Variants in NECTIN2 observed in about 807,000 individuals in gnomAD.
NECTIN2 encodes the protein nectin-2.
NECTIN2 carries 23 observed loss-of-function variants against 56.9 expected under a neutral mutation model. The ratio of observed to expected loss-of-function variants is 0.40; its 90% CI spans 0.29 to 0.57. The LOEUF (loss-of-function observed/expected upper bound fraction) is 0.57. Ranked by LOEUF, NECTIN2 falls within the 20% of genes least tolerant of loss-of-function variation. The pLI is 0.38. For synonymous variants in NECTIN2, 302 were observed against 313.8 expected, an observed-to-expected ratio of 0.96 and a Z score of 0.40; for missense variants, 587 against 718.3, an observed-to-expected ratio of 0.82 and a Z score of 2.09.
At chr19:44,869,226 A>C (rs1969141592) in intron 2 of NECTIN2, among the ~76,000 whole-genome samples, 1 of 152,044 alleles carries the variant, frequency 6.6e-6, no homozygotes, top group Admixed American at 6.6e-5. Context: ...TAATCCCAGC[A>C]CTTTGGGAGG....
chr19:44,854,812 C>A (rs1242849735), intron 1 of NECTIN2, among the ~76,000 whole-genome samples: 1 of 150,992 alleles, frequency 6.6e-6, no homozygotes, highest in Non-Finnish European at 1.5e-5. Flanking sequence ...GACTCCACCT[C>A]AAAAAAAATT....
intron 6 of NECTIN2, among the ~76,000 whole-genome samples, chr19:44,883,539 T>C (rs562390642): frequency 2.0e-4 from 31 of 152,112 alleles, no homozygotes; most frequent in Non-Finnish European, 4.4e-4. Context: ...CCTCCCAAAG[T>C]GCTAAGATCA....
Position 44,865,432 on chromosome 19 carries a change from G to A in NECTIN2, c.250G>A (p.Ala84Thr), listed in dbSNP as rs765976897. ...ACCTGCGAACCACCAGAATGTGGCC[G>A]CCTTCCACCCTAAGATGGGTCCCAG... The part of the protein sequence containing the change: ...DAPANHQNVA[A>T]FHPKMGPSFP... The change falls in exon 2 of 9, where the codon GCC becomes ACC. Residue 84 changes from alanine to threonine, a missense_variant. Ala to Thr is a moderately conservative substitution (Grantham distance 58). Coordinates refer to ENST00000252483, the MANE Select transcript of NECTIN2 (RefSeq NM_001042724.2). The surrounding 1 kb of genome is among the most constrained non-coding windows in gnomAD (Gnocchi z 5.2). 55 of 1,613,978 alleles carry A rather than the reference G, an allele frequency of 3.4e-5. No homozygotes were observed. The highest frequency in any genetic ancestry group is 4.6e-5 in the Non-Finnish European group (54 of 1,180,046).
intron 8 of NECTIN2, among the ~76,000 whole-genome samples, chr19:44,887,898 G>T (rs979964233): frequency 6.6e-6 from 1 of 152,152 alleles, no homozygotes; most frequent in Admixed American, 6.6e-5. Flanking sequence ...TGAGTCCCAG[G>T]ATTAACAGGG....
chr19:44,854,845 G>A (rs544498320), intron 1 of NECTIN2, among the ~76,000 whole-genome samples: 16 of 151,748 alleles, frequency 1.1e-4, no homozygotes, highest in Middle Eastern at 3.4e-3. Flanking sequence ...ACTCTGAGTT[G>A]CCGGGCGCGG....
intron 6 of NECTIN2, among the ~76,000 whole-genome samples, chr19:44,883,071 A>G (rs909189064): frequency 6.6e-6 from 1 of 152,070 alleles, no homozygotes; most frequent in Non-Finnish European, 1.5e-5. Flanking sequence ...GTGAGCCACC[A>G]TGGCTGGCCA....
At chr19:44,866,189 A>G (rs2122667650) in intron 2 of NECTIN2, among the ~76,000 whole-genome samples, 1 of 150,628 alleles carries the variant, frequency 6.6e-6, no homozygotes, top group African/African-American at 2.4e-5. Context: ...AAAAAAAAGT[A>G]TTGAGGTTGG....
Position 44,874,025 on chromosome 19 carries a change from C to T in NECTIN2, c.885C>T (p.Asp295=), listed in dbSNP as rs1352752095. Reference sequence around the variant, plus strand: ...GCAACCCAGAGCCCACGGGCTATGACTGGAGCACGTGAGTCACGTGGTCTC... The same window carrying T: ...GCAACCCAGAGCCCACGGGCTATGATTGGAGCACGTGAGTCACGTGGTCTC... ...VRSNPEPTGY[D]WSTTSGTFPT... is the part of the protein sequence containing the mutation. The change falls in exon 4 of 9, where the codon GAC becomes GAT. Residue 295 remains aspartate, a synonymous_variant. Coordinates refer to ENST00000252483, the MANE Select transcript of NECTIN2 (RefSeq NM_001042724.2). This position sits in a 1 kb window ranked among gnomAD's most constrained non-coding sequence, Gnocchi z 6.3. The T allele has an allele frequency of 2.0e-5, 33 of 1,612,342 alleles. 1 individual carries two copies. In the South Asian group the frequency reaches 3.5e-4, roughly 17 times the overall value.
chr19:44,850,066 G>C (rs1968882627), intron 1 of NECTIN2, among the ~76,000 whole-genome samples: 1 of 152,212 alleles, frequency 6.6e-6, no homozygotes, highest in African/African-American at 2.4e-5. Context: ...CAGGCACATT[G>C]GCTCATACCA....
intron 5 of NECTIN2, among the ~76,000 whole-genome samples, chr19:44,880,206 A>G (rs1416019795): frequency 7.0e-6 from 1 of 143,836 alleles, no homozygotes; most frequent in African/African-American, 2.5e-5. Context: ...GGACAACCGG[A>G]GGGCAGGGGC....
At chr19:44,857,089 A>G (rs1372152806) in intron 1 of NECTIN2, among the ~76,000 whole-genome samples, 1 of 152,202 alleles carries the variant, frequency 6.6e-6, no homozygotes, top group African/African-American at 2.4e-5. Context: ...GCCAGCTGGA[A>G]AGGGTGTCAG....
chr19:44,874,617 T>A lies in NECTIN2; in HGVS notation c.1042+139T>A. On this transcript the variant is annotated intron_variant, in intron 5 of 8. Transcript: ENST00000252483. The surrounding 1 kb of genome is among the most constrained non-coding windows in gnomAD (Gnocchi z 6.3). ...GCAGACCTGCCTGGCTGAGGGGAGA[T>A]GAGGGTTGGCCTTCCCCTCGTGGCC... 1 of 1,124,400 alleles carries A rather than the reference T, an allele frequency of 8.9e-7. No individual in the cohort carries two copies. The highest frequency in any genetic ancestry group is 1.3e-6 in the Non-Finnish European group (1 of 788,926). 69.7% of individuals were successfully genotyped at this position (1,124,400 alleles called of 1,614,324 possible).
Position 44,846,341 on chromosome 19 carries a change from G to C in NECTIN2, c.-185G>C. 1.5e-6 allele frequency: 1 copy of C among 647,522 alleles called. No individual in the cohort carries two copies. The highest frequency in any genetic ancestry group is 2.3e-6 in the Non-Finnish European group (1 of 427,894). 40.1% of individuals were successfully genotyped at this position (647,522 alleles called of 1,614,324 possible). On this transcript the variant is annotated 5_prime_UTR_variant, in exon 1 of 9. Coordinates refer to ENST00000252483, the MANE Select transcript of NECTIN2 (RefSeq NM_001042724.2). Reference sequence around the variant, plus strand: ...ACCGCCGGAGCTGAGCGAGAGGCCGGGGGTGCCGAGCCGGGCGGGGAGAGC... The same window carrying C: ...ACCGCCGGAGCTGAGCGAGAGGCCGCGGGTGCCGAGCCGGGCGGGGAGAGC...
intron 7 of NECTIN2, 27 bp downstream of exon 7, chr19:44,886,027 T>A: frequency 6.3e-7 from 1 of 1,584,650 alleles, no homozygotes; most frequent in East Asian, 2.2e-5. Flanking sequence ...GAGCCCAAGC[T>A]ATCCCCACCT....
chr19:44,885,487 T>A (rs1453087972), intron 6 of NECTIN2, among the ~76,000 whole-genome samples: 4 of 151,580 alleles, frequency 2.6e-5, no homozygotes, highest in African/African-American at 4.9e-5. Context: ...AATTTTTGTA[T>A]TTTTTGGGGA....
rs77681195 is a variant in NECTIN2, at chr19:44,886,232, G to A, written c.1347+13G>A. On this transcript the variant is annotated intron_variant, in intron 8 of 8. Coordinates refer to ENST00000252483, the MANE Select transcript of NECTIN2 (RefSeq NM_001042724.2). ...ATGCACTGAGCAGGTAGGAGCTCAT[G>A]GGAAGACAAAGGTGGGTTGGGGGTC... 3.4e-4 allele frequency: 542 copies of A among 1,603,286 alleles called. 1 individual carries two copies. In the African/African-American group the frequency reaches 5.6e-3, roughly 16 times the overall value.
chr19:44,873,727 G>A (rs970713644), intron 3 of NECTIN2, among the ~76,000 whole-genome samples, 189 bp from the exon 4 acceptor site: 1 of 152,076 alleles, frequency 6.6e-6, no homozygotes, highest in Non-Finnish European at 1.5e-5. Context: ...TATCCACAGT[G>A]GTTTCCCTGA....
intron 2 of NECTIN2, among the ~76,000 whole-genome samples, chr19:44,869,096 T>C (rs1474387186): frequency 6.6e-6 from 1 of 151,894 alleles, no homozygotes. Flanking sequence ...CCACAGCCGT[T>C]TTCCATAATA....
intron 5 of NECTIN2, chr19:44,878,753 T>C: frequency 6.9e-7 from 1 of 1,444,622 alleles, no homozygotes; most frequent in Non-Finnish European, 9.1e-7. Context: ...TCCCACTTTC[T>C]TGGGACTTGG....
Sources: gnomAD v4.1 joint callset for allele counts (sites outside exome capture counted in the v4.1 genomes callset) on GRCh38, gnomAD v4.1.1 for gene constraint, Gnocchi (gnomAD v3.1) non-coding constraint, MANE v1.5 for transcripts, NCBI Gene and HGNC (gene_info 2026-07-23, HGNC 2026-07-21) for gene names.